The following PCSK5 variants were observed in gnomAD, a reference collection of about 807,000 sequenced individuals.
The protein encoded by PCSK5 is proprotein convertase subtilisin/kexin type 5.
In PCSK5, 129 loss-of-function variants were observed where a neutral mutation model predicts 233.2. That is an observed-to-expected ratio of 0.55 (90% CI 0.48 to 0.64). PCSK5 has a LOEUF of 0.64. Among genes scored for constraint, PCSK5 ranks in the 30% least tolerant of loss-of-function variants. The pLI is 0.00. For synonymous variants in PCSK5, 825 were observed against 879.2 expected, an observed-to-expected ratio of 0.94 and a Z score of 1.09; for missense variants, 2,076 against 2,430.1, an observed-to-expected ratio of 0.85 and a Z score of 3.06.
intron 13 of PCSK5, among the ~76,000 whole-genome samples, chr9:76,174,123 G>A (rs568585467): frequency 6.6e-6 from 1 of 151,992 alleles, no homozygotes; most frequent in Non-Finnish European, 1.5e-5. Flanking sequence ...CAAAATTTTT[G>A]TTAATTTTAG....
intron 9 of PCSK5, among the ~76,000 whole-genome samples, chr9:76,132,050 CT>C (rs1822781492): frequency 6.6e-6 from 1 of 151,974 alleles, no homozygotes; most frequent in Admixed American, 6.6e-5. Flanking sequence ...ACCAAGCTTT[CT>C]TGTTATTTTT....
At chr9:76,192,817 TCTTTTC>T (rs1824471621) in intron 20 of PCSK5, among the ~76,000 whole-genome samples, 1 of 152,200 alleles carries the variant, frequency 6.6e-6, no homozygotes, top group Non-Finnish European at 1.5e-5. Flanking sequence ...ATATGAAGCA[TCTTTTC>T]CTTTGTGTTA....
intron 5 of PCSK5, among the ~76,000 whole-genome samples, chr9:76,042,634 T>C (rs1396156521): frequency 1.4e-5 from 2 of 146,744 alleles, no homozygotes; most frequent in African/African-American, 4.9e-5. Flanking sequence ...CCAGCCTGGG[T>C]CACAGAGTAA....
At position 76,212,371 on chromosome 9, in the gene PCSK5, AACAAGAGTTGTGTGTCTTGTTGATATC is replaced by A. The variant is rs1825362840; in HGVS notation, c.2627-15116_2627-15090del. 2.6e-5 allele frequency among the ~76,000 whole-genome samples: 4 copies of A among 152,350 alleles called. No homozygotes were observed. The South Asian group carries it at 8.3e-4, about 32-fold the overall frequency. On this transcript the variant is annotated intron_variant, in intron 20 of 37. Transcript: ENST00000674117. ...TATGGGTTGATATAGCAGGAGAGAT[AACAAGAGTTGTGTGTCTTGTTGATATC>A]ACAAGAGTTGTGTGTTAGAGAAAGA...
intron 1 of PCSK5, among the ~76,000 whole-genome samples, chr9:75,928,596 C>CATATGT (rs1554707481): frequency 2.9e-5 from 2 of 68,398 alleles, no homozygotes; most frequent in Non-Finnish European, 5.8e-5. Flanking sequence ...CATATAAATA[C>CATATGT]ATATATATAT....
chr9:76,236,019 G>C (rs1004251872), intron 22 of PCSK5, among the ~76,000 whole-genome samples: 6 of 152,206 alleles, frequency 3.9e-5, no homozygotes, highest in Non-Finnish European at 8.8e-5. Flanking sequence ...TTGTTTAATT[G>C]TGACTTCATT....
chr9:76,191,357 G>GTCAGAATGCTGTCATTCATACC (rs1421161853), intron 20 of PCSK5, among the ~76,000 whole-genome samples: 1 of 152,178 alleles, frequency 6.6e-6, no homozygotes, highest in African/African-American at 2.4e-5. Context: ...GGACTTGGAA[G>GTCAGAATGCTGTCATTCATACC]TCAGAATGCT....
chr9:76,217,189 T>C (rs1238802483), intron 20 of PCSK5, among the ~76,000 whole-genome samples: 1 of 152,164 alleles, frequency 6.6e-6, no homozygotes, highest in Non-Finnish European at 1.5e-5. Context: ...TTACCTGATA[T>C]TAGGCAGGAG....
intron 9 of PCSK5, among the ~76,000 whole-genome samples, chr9:76,121,638 G>A (rs1382508502): frequency 6.6e-6 from 1 of 152,044 alleles, no homozygotes; most frequent in African/African-American, 2.4e-5. Context: ...GCAAGTTTTT[G>A]GTATCAGATG....
chr9:75,959,306 C>T (rs959607570), intron 2 of PCSK5, among the ~76,000 whole-genome samples: 1 of 152,106 alleles, frequency 6.6e-6, no homozygotes, highest in South Asian at 2.1e-4. Context: ...TTGTTTAGGC[C>T]ACATTTCATT....
intron 28 of PCSK5, among the ~76,000 whole-genome samples, chr9:76,303,943 G>A (rs377090126): frequency 5.5e-4 from 84 of 152,242 alleles, no homozygotes; most frequent in African/African-American, 1.8e-3. Context: ...AGACCAAGGC[G>A]GGTGGACCAC....
intron 21 of PCSK5, among the ~76,000 whole-genome samples, chr9:76,232,440 G>A (rs952108766): frequency 3.3e-5 from 5 of 152,118 alleles, no homozygotes; most frequent in Middle Eastern, 3.2e-3. Flanking sequence ...ATCATTTAGC[G>A]AATTCCACAG....
chr9:75,891,237 T>G lies in PCSK5; in HGVS notation c.56T>G (p.Leu19Arg). 1 of 1,523,082 alleles carries G rather than the reference T, an allele frequency of 6.6e-7. No individual in the cohort carries two copies. Among genetic ancestry groups the G allele is most frequent in the South Asian group, 1.3e-5 (1 of 77,308 alleles). 94.3% of individuals were successfully genotyped at this position (1,523,082 alleles called of 1,614,324 possible). The change falls in exon 1 of 38, where the codon CTG becomes CGG. Residue 19 changes from leucine (L) to arginine (R), a missense_variant. Coordinates refer to ENST00000674117, the MANE Select transcript of PCSK5 (RefSeq NM_001372043.1). ...CPGRLDLLCV[L>R]ALLGGCLLPV... ...GGACGTTTGGACCTGCTGTGCGTGC[T>G]GGCGCTGCTCGGGGGCTGCCTGCTC... is the stretch of plus-strand genomic sequence containing the variant.
intron 1 of PCSK5, among the ~76,000 whole-genome samples, chr9:75,923,419 C>T (rs972341702): frequency 6.6e-6 from 1 of 151,784 alleles, no homozygotes; most frequent in Non-Finnish European, 1.5e-5. Context: ...TCATTTTGGG[C>T]TTCAGTTTGT....
intron 1 of PCSK5, among the ~76,000 whole-genome samples, chr9:75,911,821 C>G (rs747332366): frequency 1.3e-5 from 2 of 152,184 alleles, no homozygotes; most frequent in Non-Finnish European, 2.9e-5. Flanking sequence ...ATCCCAGCAG[C>G]TTGAGAGAGT....
At chr9:76,049,280 T>A (rs1371159014) in intron 5 of PCSK5, among the ~76,000 whole-genome samples, 1 of 152,178 alleles carries the variant, frequency 6.6e-6, no homozygotes, top group Non-Finnish European at 1.5e-5. Context: ...CTAAATGAAA[T>A]ATGGTGTATA....
At chr9:76,221,060 T>A (rs1448819386) in intron 20 of PCSK5, among the ~76,000 whole-genome samples, 1 of 152,190 alleles carries the variant, frequency 6.6e-6, no homozygotes, top group Non-Finnish European at 1.5e-5. Context: ...CAAAAAAATA[T>A]TTCTGAGTTC....
chr9:76,302,339 A>G (rs957944950), intron 28 of PCSK5, 122 bp downstream of exon 28: 5 of 365,920 alleles, frequency 1.4e-5, no homozygotes, highest in East Asian at 8.5e-5. Context: ...AGAGATGCAG[A>G]GGTCATTAGA....
intron 3 of PCSK5, among the ~76,000 whole-genome samples, chr9:76,001,456 C>T (rs2062308153): frequency 6.9e-6 from 1 of 143,916 alleles, no homozygotes; most frequent in Non-Finnish European, 1.5e-5. Flanking sequence ...CAAGTCTGCT[C>T]TACCATCATA....
Sources: allele counts gnomAD v4.1 joint callset (sites outside exome capture counted in the v4.1 genomes callset), GRCh38; gene constraint gnomAD v4.1.1; transcripts MANE v1.5; gene names NCBI Gene and HGNC (gene_info 2026-07-23, HGNC 2026-07-21).